ACSL4: variants seen among roughly 807,000 people sequenced by gnomAD.
The protein encoded by ACSL4 is acyl-CoA synthetase long chain family member 4, also known as long-chain-fatty-acid--CoA ligase 4.
In ACSL4, 9 loss-of-function variants were observed where a neutral mutation model predicts 49.1. The observed-to-expected ratio is 0.18, with a 90% CI of 0.11 to 0.32. The LOEUF (loss-of-function observed/expected upper bound fraction) is 0.32, where lower values mean the gene tolerates loss of function less well. Ranked by LOEUF, ACSL4 falls within the 10% of genes least tolerant of loss-of-function variation. ACSL4 has a pLI of 1.00. For missense variants in ACSL4, 333 were observed against 493.7 expected, an observed-to-expected ratio of 0.67 and a Z score of 3.08; for synonymous variants, 191 against 170.3, an observed-to-expected ratio of 1.12 and a Z score of -0.95.
At position 109,703,939 on chromosome X, in the gene ACSL4, T is replaced by C. The variant is rs1410996070; in HGVS notation, c.-65-7743A>G. Among the ~76,000 whole-genome samples the C allele has an allele frequency of 3.6e-5, 4 of 111,565 alleles. No individual in the cohort carries two copies. The Admixed American group carries it at 3.8e-4, about 11-fold the overall frequency. ...CAAATAAAAAAAAAAAAATTCACTA[T>C]GTCTGAATTTCTTAGACATATTAGA... On this transcript the variant is annotated intron_variant, in intron 1 of 15. Coordinates refer to ENST00000672401, the MANE Select transcript of ACSL4 (RefSeq NM_001318510.2).
At chrX:109,707,867 T>G (rs1926473396) in intron 1 of ACSL4, among the ~76,000 whole-genome samples, 1 of 112,082 alleles carries the variant, frequency 8.9e-6, no homozygotes, top group Non-Finnish European at 1.9e-5. Context: ...AAGATGAAAC[T>G]TCATACTCAA....
intron 1 of ACSL4, among the ~76,000 whole-genome samples, chrX:109,697,971 G>T (rs748873546): frequency 9.0e-6 from 1 of 110,856 alleles, no homozygotes; most frequent in South Asian, 3.8e-4. Flanking sequence ...GCTTAATTTG[G>T]AAAATAACTC....
In ACSL4 at chrX:109,647,341, A is replaced by T. The variant is rs766612298; in HGVS notation, c.1856-3155T>A. ...AAACTGTCTCTCAGACCACAGTGCA[A>T]TCAAACTAGAACTCAGGATTAAGAA... On this transcript the variant is annotated intron_variant, in intron 15 of 15. Coordinates refer to ENST00000672401, the MANE Select transcript of ACSL4 (RefSeq NM_001318510.2). Among the ~76,000 whole-genome samples, 40 of 112,223 alleles carry T rather than the reference A, an allele frequency of 3.6e-4. No individual in the cohort carries two copies. In the Middle Eastern group the frequency reaches 0.028, roughly 77 times the overall value.
At chrX:109,685,654 T>A (rs1924554391) in intron 2 of ACSL4, among the ~76,000 whole-genome samples, 1 of 110,353 alleles carries the variant, frequency 9.1e-6, no homozygotes, top group Non-Finnish European at 1.9e-5. Context: ...GTAATTTAGT[T>A]GAGTACAGTG....
intron 1 of ACSL4, among the ~76,000 whole-genome samples, chrX:109,700,251 C>T (rs1199380849): frequency 9.8e-6 from 1 of 101,672 alleles, no homozygotes; most frequent in African/African-American, 3.6e-5. Context: ...TGAATGTAGT[C>T]GGGCACGGTG....
intron 1 of ACSL4, among the ~76,000 whole-genome samples, chrX:109,715,684 A>T (rs1298406568): frequency 9.0e-6 from 1 of 111,249 alleles, no homozygotes; most frequent in Admixed American, 9.7e-5. Flanking sequence ...TAATAAGATG[A>T]TATTTTTAAA....
At chrX:109,675,803 T>C (rs761675285) in intron 8 of ACSL4, among the ~76,000 whole-genome samples, 1 of 112,625 alleles carries the variant, frequency 8.9e-6, no homozygotes, top group Admixed American at 9.4e-5. Context: ...TTACTAAATT[T>C]GTTTTAGAGT....
intron 1 of ACSL4, among the ~76,000 whole-genome samples, chrX:109,731,581 A>C (rs1928451235): frequency 1.8e-5 from 2 of 110,196 alleles, no homozygotes; most frequent in South Asian, 7.6e-4. Flanking sequence ...GTTTTCCAAA[A>C]AAAAAAAAAA....
chrX:109,727,066 T>C (rs1603412971), intron 1 of ACSL4, among the ~76,000 whole-genome samples: 1 of 111,227 alleles, frequency 9.0e-6, no homozygotes, highest in East Asian at 2.8e-4. Context: ...TTCCAGAAGA[T>C]TTTTTAAAAT....
At chrX:109,679,114 C>T (rs1296119991) in intron 6 of ACSL4, among the ~76,000 whole-genome samples, 3 of 111,686 alleles carry the variant, frequency 2.7e-5, no homozygotes, top group African/African-American at 9.8e-5. Context: ...TTTCTGAACC[C>T]CCTTTCTGAA....
chrX:109,667,022 C>G (rs1347741888), intron 11 of ACSL4, among the ~76,000 whole-genome samples: 2 of 112,111 alleles, frequency 1.8e-5, no homozygotes, highest in African/African-American at 6.5e-5. Context: ...GATCTGATGA[C>G]ATTTAAAGAT....
chrX:109,651,130 CAAGTT>C (rs1263102008), intron 15 of ACSL4, among the ~76,000 whole-genome samples: 1 of 111,659 alleles, frequency 9.0e-6, no homozygotes, highest in Non-Finnish European at 1.9e-5. Context: ...TATATGCCAT[CAAGTT>C]ATTTATTATG....
Position 109,733,139 on chromosome X carries a change from C to T in ACSL4, c.-66G>A, listed in dbSNP as rs1928608030. 1 of 327,001 alleles carries T rather than the reference C, an allele frequency of 3.1e-6. No individual in the cohort carries two copies. The highest frequency in any genetic ancestry group is 5.9e-6 in the Non-Finnish European group (1 of 168,286). 26.9% of individuals were successfully genotyped at this position (327,001 alleles called of 1,213,427 possible). A position where few individuals can be genotyped will look rare whatever the true frequency, so the allele number is the denominator to read the frequency against. ...AACCTCCCCATCCAGGGATACTCAC[C>T]GGAGGGGCGGCCCACCGCGTCTTCG... On this transcript the variant is annotated splice_region_variant and 5_prime_UTR_variant, in exon 1 of 16. Transcript: ENST00000672401.
At chrX:109,689,070 TCCTATCTCA>T (rs1214508940) in intron 2 of ACSL4, among the ~76,000 whole-genome samples, 4 of 111,308 alleles carry the variant, frequency 3.6e-5, no homozygotes, top group Non-Finnish European at 7.5e-5. Context: ...CCTTCCACAA[TCCTATCTCA>T]CCCAGTCTTG....
At chrX:109,715,905 C>T (rs746363085) in intron 1 of ACSL4, among the ~76,000 whole-genome samples, 1 of 111,885 alleles carries the variant, frequency 8.9e-6, no homozygotes. Flanking sequence ...CCACTGGGTA[C>T]GGACTCACTG....
Position 109,663,234 on chromosome X carries a change from G to A in ACSL4, c.1559C>T (p.Pro520Leu). The A allele has an allele frequency of 8.3e-7, 1 of 1,206,017 alleles. No individual in the cohort carries two copies. Among genetic ancestry groups the A allele is most frequent in the South Asian group, 1.8e-5 (1 of 56,079 alleles). Residue 520 changes from proline to leucine, a missense_variant, in exon 13 of 16, where the codon CCC (proline) becomes CTC (leucine). Pro to Leu is a moderately conservative substitution (Grantham distance 98). Coordinates refer to ENST00000672401, the MANE Select transcript of ACSL4 (RefSeq NM_001318510.2). ...ACCTATAATCTGTAAACATCCATCG[G>A]GATGGAATTCTCCAATATCACCAGT... is the stretch of plus-strand genomic sequence containing the variant. ...FCTGDIGEFH[P>L]DGCLQIIDRK...
intron 9 of ACSL4, among the ~76,000 whole-genome samples, chrX:109,671,611 C>T (rs1427927756): frequency 1.8e-5 from 2 of 112,454 alleles, no homozygotes; most frequent in African/African-American, 3.2e-5. Context: ...GCCATGATGA[C>T]GATGGCGGTT....
chrX:109,656,817 T>C (rs1354469826), intron 15 of ACSL4, among the ~76,000 whole-genome samples: 3 of 111,405 alleles, frequency 2.7e-5, no homozygotes, highest in Non-Finnish European at 5.7e-5. Context: ...AAGCCTACTA[T>C]TGAACTTGAG....
chrX:109,662,824 G>A (rs968752686), intron 13 of ACSL4, among the ~76,000 whole-genome samples: 6 of 111,246 alleles, frequency 5.4e-5, no homozygotes, highest in Non-Finnish European at 9.4e-5. Context: ...GTATGTTATA[G>A]GAAACAGTTA....
Sources: gnomAD v4.1 joint callset for allele counts (sites outside exome capture counted in the v4.1 genomes callset) on GRCh38, gnomAD v4.1.1 for gene constraint, MANE v1.5 for transcripts, NCBI Gene and HGNC (gene_info 2026-07-23, HGNC 2026-07-21) for gene names.